Variants in ST6GALNAC5 observed in about 807,000 individuals in gnomAD.
ST6GALNAC5 encodes alpha-N-acetylgalactosaminide alpha-2,6-sialyltransferase 5.
A neutral mutation model predicts 33.6 loss-of-function variants in ST6GALNAC5; 27 were observed. The ratio of observed to expected loss-of-function variants is 0.80; its 90% confidence interval spans 0.59 to 1.11. The LOEUF (loss-of-function observed/expected upper bound fraction) is 1.11. ST6GALNAC5 is among the 50% of genes least tolerant of loss of function. The probability of loss-of-function intolerance (pLI) is 0.00; values close to 1 mark genes in which losing one functional copy is unlikely to be tolerated. For synonymous variants in ST6GALNAC5, 194 were observed against 171.2 expected, an observed-to-expected ratio of 1.13 and a Z score of -1.04; for missense variants, 428 against 454.0, an observed-to-expected ratio of 0.94 and a Z score of 0.52.
At chr1:76,904,902 T>A (rs1646850802) in intron 2 of ST6GALNAC5, among the ~76,000 whole-genome samples, 1 of 152,078 alleles carries the variant, frequency 6.6e-6, no homozygotes, top group Admixed American at 6.6e-5. Context: ...ATAGGCTAAA[T>A]GAATCTATGC....
chr1:77,021,235 C>G (rs988762773), intron 2 of ST6GALNAC5, among the ~76,000 whole-genome samples: 3 of 152,254 alleles, frequency 2.0e-5, no homozygotes, highest in South Asian at 2.1e-4. Flanking sequence ...TTTCTTCCAT[C>G]CCCTGCTTGT....
intron 2 of ST6GALNAC5, among the ~76,000 whole-genome samples, chr1:76,917,360 C>A (rs896264281): frequency 6.6e-6 from 1 of 152,018 alleles, no homozygotes; most frequent in African/African-American, 2.4e-5. Context: ...TAAACTCAAG[C>A]AACGAAAAAT....
At chr1:76,897,554 G>C (rs1646760777) in intron 2 of ST6GALNAC5, among the ~76,000 whole-genome samples, 1 of 152,138 alleles carries the variant, frequency 6.6e-6, no homozygotes, top group Admixed American at 6.5e-5. Context: ...GTTTTAATGA[G>C]ATGGTAAGGA....
intron 2 of ST6GALNAC5, among the ~76,000 whole-genome samples, chr1:76,882,890 C>A (rs2100924713): frequency 6.6e-6 from 1 of 152,234 alleles, no homozygotes; most frequent in South Asian, 2.1e-4. Flanking sequence ...CCCACCACTG[C>A]CCTCAGCCTA....
intron 2 of ST6GALNAC5, among the ~76,000 whole-genome samples, chr1:76,912,260 T>C (rs1309137817): frequency 6.6e-6 from 1 of 152,208 alleles, no homozygotes; most frequent in Non-Finnish European, 1.5e-5. Flanking sequence ...AATCCTGAGT[T>C]CTAGTTTGAT....
chr1:76,905,511 T>C (rs977776777), intron 2 of ST6GALNAC5, among the ~76,000 whole-genome samples: 1 of 152,348 alleles, frequency 6.6e-6, no homozygotes, highest in South Asian at 2.1e-4. Context: ...TGTGTGCTTA[T>C]GTCCAAATTG....
intron 2 of ST6GALNAC5, among the ~76,000 whole-genome samples, chr1:77,031,894 A>G (rs1651472091): frequency 6.6e-6 from 1 of 152,204 alleles, no homozygotes; most frequent in Non-Finnish European, 1.5e-5. Flanking sequence ...GAGACATTGA[A>G]TCAGTGATTG....
At chr1:77,002,389 T>C (rs1401814632) in intron 2 of ST6GALNAC5, among the ~76,000 whole-genome samples, 1 of 152,220 alleles carries the variant, frequency 6.6e-6, no homozygotes, top group African/African-American at 2.4e-5. Flanking sequence ...CTTTTTTTCT[T>C]TATTAGTCTT....
intron 2 of ST6GALNAC5, among the ~76,000 whole-genome samples, chr1:76,899,498 C>A (rs1169061007): frequency 6.6e-6 from 1 of 152,060 alleles, no homozygotes; most frequent in Non-Finnish European, 1.5e-5. Context: ...GGGTTCCTGC[C>A]CCTCCCCCAG....
intron 2 of ST6GALNAC5, among the ~76,000 whole-genome samples, chr1:76,911,114 C>T (rs926138379): frequency 6.6e-6 from 1 of 152,090 alleles, no homozygotes; most frequent in Admixed American, 6.6e-5. Context: ...TATAAAACTT[C>T]CCATCAATAC....
chr1:76,880,737 C>T (rs1352653810), intron 2 of ST6GALNAC5, among the ~76,000 whole-genome samples: 1 of 152,222 alleles, frequency 6.6e-6, no homozygotes, highest in Non-Finnish European at 1.5e-5. Context: ...AATGTTAATC[C>T]CTTTTGGCAC....
intron 2 of ST6GALNAC5, among the ~76,000 whole-genome samples, chr1:76,915,909 GATAATA>G (rs59803213): frequency 6.7e-6 from 1 of 149,452 alleles, no homozygotes; most frequent in Admixed American, 6.7e-5. Flanking sequence ...AACTTCCTTG[GATAATA>G]ATAATAATAA....
At chr1:77,008,793 G>T (rs1465096105) in intron 2 of ST6GALNAC5, among the ~76,000 whole-genome samples, 1 of 152,168 alleles carries the variant, frequency 6.6e-6, no homozygotes. Context: ...GCCTACCAAA[G>T]TGCTGGGATT....
intron 2 of ST6GALNAC5, among the ~76,000 whole-genome samples, chr1:76,943,168 G>T (rs193217434): frequency 3.2e-4 from 48 of 152,138 alleles, no homozygotes; most frequent in African/African-American, 1.1e-3. Context: ...CAATTCATTT[G>T]TTCTTCATAC....
intron 4 of ST6GALNAC5, among the ~76,000 whole-genome samples, chr1:77,056,281 G>A (rs972286321): frequency 3.9e-5 from 6 of 152,086 alleles, no homozygotes; most frequent in South Asian, 2.1e-4. Flanking sequence ...ATCTGTTGTC[G>A]TTGCTTTCCA....
chr1:77,050,205 T>C (rs900950072), intron 3 of ST6GALNAC5, 53 bp from the exon 4 acceptor site: 4 of 1,432,690 alleles, frequency 2.8e-6, no homozygotes, highest in Non-Finnish European at 3.9e-6. Context: ...AAGATGGTAG[T>C]GGGTATAATG....
chr1:76,986,476 C>T (rs1044640715), intron 2 of ST6GALNAC5, among the ~76,000 whole-genome samples: 1 of 151,972 alleles, frequency 6.6e-6, no homozygotes, highest in African/African-American at 2.4e-5. Flanking sequence ...ACCATCTCAC[C>T]CCAGTTAGAA....
chr1:76,875,252 C>G (rs918700212), intron 2 of ST6GALNAC5, among the ~76,000 whole-genome samples: 9 of 152,062 alleles, frequency 5.9e-5, no homozygotes, highest in African/African-American at 1.9e-4. Context: ...GGTTTTTTTT[C>G]CTGGTGGAGT....
intron 2 of ST6GALNAC5, among the ~76,000 whole-genome samples, chr1:76,881,539 CAACCAGCTCTTGGA>C (rs1031969543): frequency 1.3e-5 from 2 of 152,172 alleles, no homozygotes; most frequent in African/African-American, 4.8e-5. Flanking sequence ...CCCTACTAGA[CAACCAGCTCTTGGA>C]AACCAGGCAT....
Sources: gnomAD v4.1 joint callset for allele counts (sites outside exome capture counted in the v4.1 genomes callset) on GRCh38, gnomAD v4.1.1 for gene constraint, MANE v1.5 for transcripts, NCBI Gene and HGNC (gene_info 2026-07-23, HGNC 2026-07-21) for gene names.